The following ERAP1 variants were observed in gnomAD, a reference collection of about 807,000 sequenced individuals.
ERAP1 encodes endoplasmic reticulum aminopeptidase 1.
In ERAP1, 86 loss-of-function variants were observed where a neutral mutation model predicts 103.7. The ratio of observed to expected loss-of-function variants is 0.83; its 90% CI spans 0.70 to 0.99. ERAP1 has a LOEUF of 0.99. ERAP1 is among the 50% of genes least tolerant of loss of function. The pLI, the probability that ERAP1 is intolerant of heterozygous loss-of-function variation, is 0.00. For missense variants in ERAP1, 1,009 were observed against 1,128.4 expected, an observed-to-expected ratio of 0.89 and a Z score of 1.52; for synonymous variants, 398 against 402.4, an observed-to-expected ratio of 0.99 and a Z score of 0.13.
intron 18 of ERAP1, chr5:96,776,753 G>A: frequency 1.5e-6 from 1 of 675,256 alleles, no homozygotes; most frequent in Non-Finnish European, 2.4e-6. Flanking sequence ...TTTTTTGTCT[G>A]CAGTTCTTTT....
the ERAP1 span, among the ~76,000 whole-genome samples, chr5:96,857,688 A>C: frequency 2.0e-5 from 3 of 152,344 alleles, no homozygotes; most frequent in Non-Finnish European, 4.4e-5. Context: ...CTATATGCTG[A>C]ATTGCTACTC....
chr5:96,886,202 T>C, the ERAP1 span, among the ~76,000 whole-genome samples: 1 of 152,194 alleles, frequency 6.6e-6, no homozygotes, highest in Non-Finnish European at 1.5e-5. Flanking sequence ...GATTAAAAGA[T>C]AATGTGCAGC....
downstream of ERAP1, chr5:96,773,728 TATC>T (rs1773273767): frequency 6.6e-6 from 1 of 152,362 alleles, no homozygotes; most frequent in Admixed American, 6.5e-5. Context: ...ATTGCACTGA[TATC>T]ATCGATTAGA....
chr5:96,904,997 T>A, the ERAP1 span, among the ~76,000 whole-genome samples: 1 of 151,542 alleles, frequency 6.6e-6, no homozygotes. Context: ...TTTAACCTTT[T>A]TAAGCCTAAA....
chr5:96,859,060 T>TACACACACACACACAC, the ERAP1 span, among the ~76,000 whole-genome samples: 2 of 144,730 alleles, frequency 1.4e-5, no homozygotes, highest in South Asian at 2.3e-4. Context: ...GCCACATGCA[T>TACACACACACACACAC]ACACACACAC....
In ERAP1 at chr5:96,793,911, C is replaced by G; in HGVS notation, c.966G>C (p.Trp322Cys). 1 of 1,614,128 alleles carries G rather than the reference C, an allele frequency of 6.2e-7. No individual in the cohort carries two copies. The highest frequency in any genetic ancestry group is 8.5e-7 in the Non-Finnish European group (1 of 1,180,016). The change falls in exon 6 of 19, where the codon TGG (tryptophan) becomes TGC (cysteine). Residue 322 changes from tryptophan (W) to cysteine (C), a missense_variant. Physicochemically the swap from Trp to Cys is radical, Grantham distance 215 (BLOSUM62 -2). This residue lies in a region of ERAP1 where 392 missense variants were observed against 455.2 expected (regional missense o/e 0.86). Coordinates refer to ENST00000443439, the MANE Select transcript of ERAP1 (RefSeq NM_001040458.3). ...CAGATTCTCTATATGTTGTCAGTCC[C>G]CAGTTTTCCATAGCACCAGACTGAA... Reference protein sequence around the residue: ...PDFQSGAMENWGLTTYRESAL... With the variant: ...PDFQSGAMENCGLTTYRESAL...
At chr5:96,798,254 G>C (rs1424073051) in intron 3 of ERAP1, among the ~76,000 whole-genome samples, 1 of 147,944 alleles carries the variant, frequency 6.8e-6, no homozygotes, top group African/African-American at 2.5e-5. Context: ...GAACCCGGAA[G>C]GCAGAGCTTG....
chr5:96,770,143 C>G (rs1035440082), downstream of ERAP1: 1 of 187,058 alleles, frequency 5.3e-6, no homozygotes, highest in Admixed American at 5.4e-5. Context: ...AACCTATATA[C>G]TGTTTTCCAT....
rs1773673225 is a variant in ERAP1, at chr5:96,774,590, G to C, written c.*1806C>G. 1.0e-6 allele frequency: 1 copy of C among 985,468 alleles called. No individual in the cohort carries two copies. The allele number at this position is 985,468 out of a possible 1,614,324, so 61.0% of individuals were successfully genotyped here. On this transcript the variant is annotated 3_prime_UTR_variant, in exon 19 of 19. Transcript: ENST00000443439. ...GCTTTTCCAAAAGCAAACAAAGATA[G>C]GTTCCTCAGGTGACCAAAACTGAAA...
the ERAP1 span, among the ~76,000 whole-genome samples, chr5:96,836,334 T>G: frequency 2.6e-5 from 4 of 152,120 alleles, no homozygotes; most frequent in African/African-American, 9.7e-5. Context: ...CCCAAGTAGC[T>G]GGGACTACAG....
At chr5:96,925,607 C>T in the ERAP1 span, among the ~76,000 whole-genome samples, 2 of 152,326 alleles carry the variant, frequency 1.3e-5, no homozygotes, top group Middle Eastern at 3.4e-3. Context: ...ATTGAAATTT[C>T]GGGGAACAAT....
At chr5:96,784,650 T>C (rs926242675) in intron 13 of ERAP1, 16 of 157,728 alleles carry the variant, frequency 1.0e-4, no homozygotes, top group African/African-American at 3.9e-4. Flanking sequence ...TCTATCCCTG[T>C]GAAACACTGG....
chr5:96,771,571 A>C, downstream of ERAP1: 1 of 1,143,136 alleles, frequency 8.7e-7, no homozygotes, highest in Non-Finnish European at 1.3e-6. Context: ...TTGTCCCCTA[A>C]TTCTGAGAAG....
At chr5:96,789,573 A>G (rs1776492356) in intron 10 of ERAP1, among the ~76,000 whole-genome samples, 1 of 152,246 alleles carries the variant, frequency 6.6e-6, no homozygotes, top group South Asian at 2.1e-4. Context: ...GGAACAAAAA[A>G]GCCAAGAAAG....
In ERAP1 at chr5:96,775,786, A is replaced by G. The variant is rs1051851702; in HGVS notation, c.*610T>C. 4.1e-6 allele frequency: 1 copy of G among 242,072 alleles called. No individual in the cohort carries two copies. Among genetic ancestry groups the G allele is most frequent in the African/African-American group, 2.3e-5 (1 of 43,210 alleles). The allele number at this position is 242,072 out of a possible 1,614,324, so 15.0% of individuals were successfully genotyped here. ...GCCCGAGGCATCCCGCAAGGGAATC[A>G]GGGAAGAACACCTCCACCTACTACC... On this transcript the variant is annotated 3_prime_UTR_variant, in exon 19 of 19. Transcript: ENST00000443439.
chr5:96,903,423 G>T, the ERAP1 span: 1 of 1,613,680 alleles, frequency 6.2e-7, no homozygotes, highest in Non-Finnish European at 8.5e-7. Flanking sequence ...AATTTAATGT[G>T]GACTCAAATG....
chr5:96,900,328 A>AG, the ERAP1 span: 1 of 1,326,222 alleles, frequency 7.5e-7, no homozygotes. Flanking sequence ...CTCTAAAACA[A>AG]AACTGAAGGG....
chr5:96,933,216 T>C, the ERAP1 span, among the ~76,000 whole-genome samples: 1 of 134,860 alleles, frequency 7.4e-6, no homozygotes, highest in Non-Finnish European at 1.6e-5. Context: ...CACGTCTTTT[T>C]TTTTTTTTTT....
the ERAP1 span, chr5:96,886,596 G>A: frequency 1.4e-6 from 2 of 1,407,212 alleles, no homozygotes; most frequent in African/African-American, 2.8e-5. Flanking sequence ...ATAAGTCATA[G>A]GCATGGTTAT....
Sources: allele counts gnomAD v4.1 joint callset (sites outside exome capture counted in the v4.1 genomes callset), GRCh38; gene constraint gnomAD v4.1.1; regional missense constraint gnomAD v4.1.1; transcripts MANE v1.5; gene names NCBI Gene and HGNC (gene_info 2026-07-23, HGNC 2026-07-21).